Variants in KLRD1 observed in about 807,000 individuals in gnomAD.
The protein encoded by KLRD1 is natural killer cells antigen CD94.
A neutral mutation model predicts 22.6 loss-of-function variants in KLRD1; 21 were observed. That is an observed-to-expected ratio of 0.93 (90% CI 0.66 to 1.34). The LOEUF (loss-of-function observed/expected upper bound fraction) is 1.34. Among genes scored for constraint, KLRD1 ranks in the 40% most tolerant of loss-of-function variants. KLRD1 has a pLI of 0.00. For missense variants in KLRD1, 183 were observed against 208.6 expected (o/e 0.88, Z 0.76); for synonymous variants, 59 against 71.1 (o/e 0.83, Z 0.85).
At chr12:10,279,626 A>T (rs535196573) in intron 1 of KLRD1, among the ~76,000 whole-genome samples, 2 of 152,302 alleles carry the variant, frequency 1.3e-5, no homozygotes, top group South Asian at 4.1e-4. Flanking sequence ...TCCAATTGAG[A>T]CAAAATCTCA....
intron 4 of KLRD1, among the ~76,000 whole-genome samples, chr12:10,312,528 A>G (rs558539933): frequency 7.1e-4 from 108 of 151,328 alleles, no homozygotes; most frequent in Non-Finnish European, 1.3e-3. Flanking sequence ...ACAGGCGCCC[A>G]CAACCACGCC....
chr12:10,240,180 C>A (rs954034119), intron 1 of KLRD1, among the ~76,000 whole-genome samples: 3 of 151,882 alleles, frequency 2.0e-5, no homozygotes, highest in Admixed American at 2.0e-4. Context: ...CTTACCTCAG[C>A]CCCCCAAGTC....
intron 1 of KLRD1, among the ~76,000 whole-genome samples, chr12:10,271,848 A>G (rs966523109): frequency 6.0e-5 from 9 of 150,732 alleles, no homozygotes; most frequent in Admixed American, 1.3e-4. Flanking sequence ...GAAATGTGGT[A>G]AATTCTTACT....
intron 1 of KLRD1, among the ~76,000 whole-genome samples, chr12:10,269,046 T>C (rs1055182463): frequency 3.3e-5 from 5 of 152,200 alleles, no homozygotes; most frequent in African/African-American, 1.2e-4. Flanking sequence ...CTAATTTTAC[T>C]GATTTTAGGT....
upstream of KLRD1, among the ~76,000 whole-genome samples, chr12:10,300,253 AC>A (rs965832496): frequency 6.6e-6 from 1 of 152,184 alleles, no homozygotes; most frequent in Non-Finnish European, 1.5e-5. Flanking sequence ...TTAGAGCCTT[AC>A]AAAATGTATT....
At chr12:10,305,035 T>G (rs1426956786), upstream of KLRD1, among the ~76,000 whole-genome samples, 2 of 152,260 alleles carry the variant, frequency 1.3e-5, no homozygotes, top group African/African-American at 4.8e-5. Context: ...GAACGTATAC[T>G]GTTATTTTGT....
intron 1 of KLRD1, among the ~76,000 whole-genome samples, chr12:10,246,868 C>T (rs1283647040): frequency 2.6e-5 from 4 of 151,508 alleles, no homozygotes; most frequent in Non-Finnish European, 4.4e-5. Flanking sequence ...AATGGAGAGT[C>T]AGCAGATGTT....
chr12:10,328,396 C>T lies in KLRD1; in HGVS notation c.*13603C>T, dbSNP rs543116502. The T allele has an allele frequency of 1.5e-4, 23 of 152,014 alleles. No individual in the cohort carries two copies. Among genetic ancestry groups the T allele is most frequent in the Non-Finnish European group, 3.2e-4 (22 of 67,958 alleles). The allele number at this position is 152,014 out of a possible 1,614,324, so 9.4% of individuals were successfully genotyped here. On this transcript the variant is annotated 3_prime_UTR_variant, in exon 6 of 6. Transcript: ENST00000336164. Reference sequence around the variant, plus strand: ...TAATTCAGTCTTGGTAGGTCCTTGTCTTTGTGAATTTTTTCATTTCTTCTA... The same window carrying T: ...TAATTCAGTCTTGGTAGGTCCTTGTTTTTGTGAATTTTTTCATTTCTTCTA...
chr12:10,285,744 A>G (rs1467497297), intron 1 of KLRD1, among the ~76,000 whole-genome samples: 1 of 152,082 alleles, frequency 6.6e-6, no homozygotes, highest in African/African-American at 2.4e-5. Context: ...ATGCTTTATG[A>G]TTCTTATGTT....
chr12:10,309,574 G>A (rs1950007240), intron 2 of KLRD1, 52 bp from the exon 3 acceptor site: 3 of 1,374,492 alleles, frequency 2.2e-6, no homozygotes, highest in African/African-American at 2.9e-5. Context: ...TAATATTTTA[G>A]TATTTCATAA....
intron 1 of KLRD1, among the ~76,000 whole-genome samples, chr12:10,297,133 C>A (rs1337065767): frequency 3.3e-5 from 5 of 152,216 alleles, no homozygotes; most frequent in Non-Finnish European, 7.3e-5. Context: ...ATCCTGATAG[C>A]TCAAAGGATG....
At chr12:10,274,377 T>C (rs1949574862) in intron 1 of KLRD1, among the ~76,000 whole-genome samples, 1 of 152,194 alleles carries the variant, frequency 6.6e-6, no homozygotes, top group African/African-American at 2.4e-5. Flanking sequence ...TCAACATTTA[T>C]GTAGTGCAAA....
chr12:10,265,157 TA>T (rs2137635934), intron 1 of KLRD1, among the ~76,000 whole-genome samples: 1 of 152,336 alleles, frequency 6.6e-6, no homozygotes, highest in East Asian at 1.9e-4. Context: ...AATTATTTTT[TA>T]CTTTTAAAAA....
intron 1 of KLRD1, among the ~76,000 whole-genome samples, chr12:10,240,035 G>A (rs757730483): frequency 6.6e-6 from 1 of 151,436 alleles, no homozygotes; most frequent in African/African-American, 2.4e-5. Context: ...GATTGTCAAG[G>A]TGTTCCGGGA....
Position 10,248,875 on chromosome 12 carries a change from G to A in KLRD1, c.-101+22642G>A, listed in dbSNP as rs557943759. On this transcript the variant is annotated intron_variant, in intron 1 of 5. Transcript: ENST00000544747. ...GGCCTCCCAATGTGTTGGGATTACA[G>A]GCGTGAGCCACCATGCCTGGCCATA... Among the ~76,000 whole-genome samples the A allele has an allele frequency of 3.7e-3, 567 of 152,072 alleles. 6 individuals carry two copies. Among genetic ancestry groups the A allele is most frequent in the African/African-American group, 0.012 (513 of 41,462 alleles).
rs138728184 is a variant in KLRD1, at chr12:10,262,462, G to A, written c.-101+36229G>A. ...AACTTCAAGAGAAGTCCTGATATAC[G>A]AGAGTTTTTCTGACAAGTACACCAT... On this transcript the variant is annotated intron_variant, in intron 1 of 5. Transcript: ENST00000544747. 4.5e-3 allele frequency among the ~76,000 whole-genome samples: 691 copies of A among 152,132 alleles called. 6 individuals are homozygous for A. Among genetic ancestry groups the A allele is most frequent in the Non-Finnish European group, 8.1e-3 (549 of 67,910 alleles).
In KLRD1 at chr12:10,329,118, C is replaced by T. The variant is rs148137293; in HGVS notation, c.*14325C>T. 6.6e-6 allele frequency: 1 copy of T among 152,210 alleles called. No homozygotes were observed. The highest frequency in any genetic ancestry group is 2.4e-5 in the African/African-American group (1 of 41,538). 9.4% of individuals were successfully genotyped at this position (152,210 alleles called of 1,614,324 possible). On this transcript the variant is annotated 3_prime_UTR_variant, in exon 6 of 6. Coordinates refer to ENST00000336164, the MANE Select transcript of KLRD1 (RefSeq NM_002262.5). Reference sequence around the variant, plus strand: ...AGGTATAAAGTGCATTGTTTGAGACCTTTCTTTTTTCTTAATGCAGATATT... The same window carrying T: ...AGGTATAAAGTGCATTGTTTGAGACTTTTCTTTTTTCTTAATGCAGATATT...
At position 10,324,530 on chromosome 12, in the gene KLRD1, G is replaced by A. The variant is rs1485400481; in HGVS notation, c.*9737G>A. ...TTCCATTGATTTGCTTAGGATAATG[G>A]CCTCTAGTTCTATCCATGTTCCTGC... is the stretch of plus-strand genomic sequence containing the variant. On this transcript the variant is annotated 3_prime_UTR_variant, in exon 6 of 6. Coordinates refer to ENST00000336164, the MANE Select transcript of KLRD1 (RefSeq NM_002262.5). 1 of 151,562 alleles carries A rather than the reference G, an allele frequency of 6.6e-6. No homozygotes were observed. Among genetic ancestry groups the A allele is most frequent in the Non-Finnish European group, 1.5e-5 (1 of 67,906 alleles). The allele number at this position is 151,562 out of a possible 1,614,324, so 9.4% of individuals were successfully genotyped here.
chr12:10,265,797 A>G (rs1381641744), intron 1 of KLRD1, among the ~76,000 whole-genome samples: 2 of 152,204 alleles, frequency 1.3e-5, no homozygotes, highest in African/African-American at 4.8e-5. Context: ...CCATACCGCT[A>G]CATCTGATAT....
Sources: gnomAD v4.1 joint callset for allele counts (sites outside exome capture counted in the v4.1 genomes callset) on GRCh38, gnomAD v4.1.1 for gene constraint, MANE v1.5 for transcripts, NCBI Gene and HGNC (gene_info 2026-07-23, HGNC 2026-07-21) for gene names.